C11orf52: variants seen among roughly 807,000 people sequenced by gnomAD.
C11orf52 encodes uncharacterized protein C11orf52.
A neutral mutation model predicts 11.7 loss-of-function variants in C11orf52; 9 were observed. The observed-to-expected ratio is 0.77, with a 90% CI of 0.46 to 1.34. The LOEUF (loss-of-function observed/expected upper bound fraction) is 1.34, where lower values mean the gene tolerates loss of function less well. Ranked by LOEUF, C11orf52 falls within the 40% of genes most tolerant of loss-of-function variation. The pLI is 0.00. For missense variants in C11orf52, 139 were observed against 154.8 expected (o/e 0.90, Z 0.54); for synonymous variants, 49 against 57.4 (o/e 0.85, Z 0.66).
intron 1 of C11orf52, among the ~76,000 whole-genome samples, chr11:111,920,861 T>C (rs970406497): frequency 6.6e-6 from 1 of 152,248 alleles, no homozygotes; most frequent in East Asian, 1.9e-4. Flanking sequence ...TATGTGACCA[T>C]AGGTAATAAG....
At chr11:111,925,831 C>G (rs1555166899) in intron 3 of C11orf52, 117 bp downstream of exon 3, 1 of 1,559,184 alleles carries the variant, frequency 6.4e-7, no homozygotes, top group African/African-American at 1.4e-5. Flanking sequence ...CTGGCTCTGT[C>G]TGTCCTCCTC....
intron 2 of C11orf52, among the ~76,000 whole-genome samples, chr11:111,924,575 T>G (rs1392147239): frequency 6.6e-6 from 1 of 152,140 alleles, no homozygotes; most frequent in Non-Finnish European, 1.5e-5. Context: ...GGGTTGGTTG[T>G]TCATTCTTTC....
At chr11:111,919,100 C>A in intron 1 of C11orf52, 96 bp downstream of exon 1, 3 of 1,338,540 alleles carry the variant, frequency 2.2e-6, no homozygotes, top group East Asian at 2.5e-5. Flanking sequence ...TGTCTGCCAG[C>A]CTCCCACTGC....
At position 111,926,044 on chromosome 11, in the gene C11orf52, G is replaced by A; in HGVS notation, c.217G>A (p.Asp73Asn). The A allele has an allele frequency of 1.2e-6, 2 of 1,614,264 alleles. No individual in the cohort carries two copies. Among genetic ancestry groups the A allele is most frequent in the Non-Finnish European group, 1.7e-6 (2 of 1,180,052 alleles). ...QERSPGLMSE[D>N]SNLHYADIQV... ...GAGGAGTCCAGGCCTCATGTCGGAA[G>A]ACAGCAACTTACATTATGCTGACAT... Residue 73 changes from aspartate (D) to asparagine (N), a missense_variant, in exon 4 of 4, where the codon GAC becomes AAC. Physicochemically the swap from Asp to Asn is conservative, Grantham distance 23 (BLOSUM62 1). Coordinates refer to ENST00000278601, the MANE Select transcript of C11orf52 (RefSeq NM_080659.3).
rs1260011129 is a variant in C11orf52 at position 111,926,286 on chromosome 11, G to A, written c.*87G>A. ...CTTTGGGGAATTGGGTGGCAACCCA[G>A]GGATGTTGTCCACGTTTTAAGCTTA... On this transcript the variant is annotated 3_prime_UTR_variant, in exon 4 of 4. Coordinates refer to ENST00000278601, the MANE Select transcript of C11orf52 (RefSeq NM_080659.3). 5 of 1,557,362 alleles carry A rather than the reference G, an allele frequency of 3.2e-6. No individual in the cohort carries two copies. In the Admixed American group the frequency reaches 8.9e-5, roughly 28 times the overall value.
At chr11:111,920,190 G>A (rs964611155) in intron 1 of C11orf52, among the ~76,000 whole-genome samples, 3 of 151,582 alleles carry the variant, frequency 2.0e-5, no homozygotes, top group East Asian at 1.9e-4. Context: ...GCAAGACTCC[G>A]TCTCAAAAAT....
At chr11:111,925,832 T>C (rs1555166900) in intron 3 of C11orf52, 118 bp downstream of exon 3, 12 of 1,561,676 alleles carry the variant, frequency 7.7e-6, no homozygotes. Flanking sequence ...TGGCTCTGTC[T>C]GTCCTCCTCT....
intron 1 of C11orf52, among the ~76,000 whole-genome samples, chr11:111,921,070 A>T (rs1965690418): frequency 6.6e-6 from 1 of 152,212 alleles, no homozygotes; most frequent in East Asian, 1.9e-4. Flanking sequence ...TCCTGGTTTT[A>T]TTCTGTCTAC....
rs1965687098 is a variant in C11orf52 at position 111,920,929 on chromosome 11, T to C, written c.32+1925T>C. On this transcript the variant is annotated intron_variant, in intron 1 of 3. Transcript: ENST00000278601. ...TAAAATGTAGATAATACATCCTACA[T>C]TGTGTAGATCACAGGCTTATTTTGA... 1.3e-5 allele frequency among the ~76,000 whole-genome samples: 2 copies of C among 152,214 alleles called. 1 individual carries two copies. Among genetic ancestry groups the C allele is most frequent in the South Asian group, 4.1e-4 (2 of 4,832 alleles).
chr11:111,919,056 A>G (rs1193569929), intron 1 of C11orf52, 52 bp downstream of exon 1: 1 of 1,604,130 alleles, frequency 6.2e-7, no homozygotes, highest in African/African-American at 1.3e-5. Context: ...TGGTGGATGT[A>G]GAGGCCCCGA....
chr11:111,924,926 C>A (rs2137404639), intron 2 of C11orf52, among the ~76,000 whole-genome samples: 2 of 152,218 alleles, frequency 1.3e-5, no homozygotes, highest in South Asian at 4.1e-4. Flanking sequence ...GAGTTTGGGA[C>A]CAGCCTGGTC....
chr11:111,924,922 G>C (rs1404927649), intron 2 of C11orf52, among the ~76,000 whole-genome samples: 2 of 152,088 alleles, frequency 1.3e-5, no homozygotes, highest in African/African-American at 4.8e-5. Flanking sequence ...TCAGGAGTTT[G>C]GGACCAGCCT....
At position 111,926,212 on chromosome 11, in the gene C11orf52, A is replaced by T. The variant is rs782122650; in HGVS notation, c.*13A>T. Reference sequence around the variant, plus strand: ...GACCCTGGTGTGAGCGCTTGGGAGGAAGGCCCAGTCCATCGTTAACCACTA... The same window carrying T: ...GACCCTGGTGTGAGCGCTTGGGAGGTAGGCCCAGTCCATCGTTAACCACTA... On this transcript the variant is annotated 3_prime_UTR_variant, in exon 4 of 4. Coordinates refer to ENST00000278601, the MANE Select transcript of C11orf52 (RefSeq NM_080659.3). The T allele has an allele frequency of 4.3e-6, 7 of 1,612,594 alleles. No individual in the cohort carries two copies. The South Asian group carries it at 7.7e-5, about 18-fold the overall frequency.
At chr11:111,924,625 G>A (rs587620228) in intron 2 of C11orf52, among the ~76,000 whole-genome samples, 19 of 152,194 alleles carry the variant, frequency 1.2e-4, no homozygotes, top group African/African-American at 4.3e-4. Flanking sequence ...TACATTCTAC[G>A]TCAGGACCTG....
At chr11:111,925,040 C>G (rs1310957390) in intron 2 of C11orf52, among the ~76,000 whole-genome samples, 1 of 152,160 alleles carries the variant, frequency 6.6e-6, no homozygotes, top group Non-Finnish European at 1.5e-5. Flanking sequence ...ACGAGAATTG[C>G]TTGAACCCAG....
In C11orf52 at chr11:111,925,961, G is replaced by A. The variant is rs782746133; in HGVS notation, c.134G>A (p.Gly45Asp). 20 of 1,614,164 alleles carry A rather than the reference G, an allele frequency of 1.2e-5. No individual in the cohort carries two copies. In the East Asian group the frequency reaches 2.0e-4, roughly 16 times the overall value. The change falls in exon 4 of 4, where the codon GGC becomes GAC. Residue 45 changes from glycine to aspartate, a missense_variant and splice_region_variant. Coordinates refer to ENST00000278601, the MANE Select transcript of C11orf52 (RefSeq NM_080659.3). ...PQQLQQNLPK[G>D]HETTGHTYER... The stretch of plus-strand genomic sequence containing the variant: ...CTTAATGCTATCCATTCCTCGCAGG[G>A]CCATGAAACAACAGGACATACGTAT...
At chr11:111,921,909 T>G (rs1555166598) in intron 1 of C11orf52, among the ~76,000 whole-genome samples, 1 of 152,216 alleles carries the variant, frequency 6.6e-6, no homozygotes, top group African/African-American at 2.4e-5. Context: ...CTTGGCTCGC[T>G]GCAACCTTAG....
chr11:111,922,619 T>C (rs1555166628), intron 1 of C11orf52, among the ~76,000 whole-genome samples: 1 of 152,224 alleles, frequency 6.6e-6, no homozygotes, highest in East Asian at 1.9e-4. Flanking sequence ...TCCATGATGT[T>C]CGGTGTTCTT....
chr11:111,920,555 G>A (rs1438668061), intron 1 of C11orf52, among the ~76,000 whole-genome samples: 3 of 151,724 alleles, frequency 2.0e-5, no homozygotes, highest in East Asian at 3.9e-4. Context: ...AAAAAGAAAA[G>A]GAGTTTGAGA....
Sources: gnomAD v4.1 joint callset for allele counts (sites outside exome capture counted in the v4.1 genomes callset) on GRCh38, gnomAD v4.1.1 for gene constraint, MANE v1.5 for transcripts, NCBI Gene and HGNC (gene_info 2026-07-23, HGNC 2026-07-21) for gene names.